The following SEC11A variants were observed in gnomAD, a reference collection of about 807,000 sequenced individuals.
The protein encoded by SEC11A is SEC11 homolog A, signal peptidase complex subunit.
Under a neutral mutation model 25.6 loss-of-function variants are expected in SEC11A, and 14 were observed. The observed-to-expected ratio is 0.55, with a 90% CI of 0.36 to 0.85. SEC11A has a LOEUF of 0.85. Ranked by LOEUF, SEC11A falls within the 40% of genes least tolerant of loss-of-function variation. The pLI, the probability that SEC11A is intolerant of heterozygous loss-of-function variation, is 0.01. For missense variants in SEC11A, 153 were observed against 222.9 expected, an observed-to-expected ratio of 0.69 and a Z score of 2.00; for synonymous variants, 83 against 76.4, an observed-to-expected ratio of 1.09 and a Z score of -0.45.
Position 84,681,261 on chromosome 15 carries a change from A to AGATACAG in SEC11A, c.312-430_312-429insCTGTATC, listed in dbSNP as rs1379213601. On this transcript the variant is annotated intron_variant, in intron 3 of 5. Coordinates refer to ENST00000268220, the MANE Select transcript of SEC11A (RefSeq NM_014300.4). ...AATTGGCAAGATACAGACTATGGGA[A>AGATACAG]ACTACAGAATAACCCAGTTTCTCCA... Among the ~76,000 whole-genome samples the AGATACAG allele has an allele frequency of 4.0e-3, 605 of 152,380 alleles. 1 individual carries two copies. The highest frequency in any genetic ancestry group is 0.014 in the African/African-American group (575 of 41,594).
chr15:84,704,464 C>G (rs1359854193), intron 1 of SEC11A, among the ~76,000 whole-genome samples: 1 of 152,188 alleles, frequency 6.6e-6, no homozygotes, highest in Non-Finnish European at 1.5e-5. Context: ...GTTACTCAAG[C>G]TGAATCCTAT....
chr15:84,685,397 A>G lies in SEC11A; in HGVS notation c.311+2228T>C, dbSNP rs140337089. Among the ~76,000 whole-genome samples the G allele has an allele frequency of 5.8e-3, 877 of 150,184 alleles. 3 individuals are homozygous for G. Among genetic ancestry groups the G allele is most frequent in the African/African-American group, 0.02 (814 of 40,802 alleles). On this transcript the variant is annotated intron_variant, in intron 3 of 5. Coordinates refer to ENST00000268220, the MANE Select transcript of SEC11A (RefSeq NM_014300.4). ...CTCAGCCTCTTGAGCAGCTGGGACT[A>G]CAAGTGCACACCACCGTGCCTGACT...
rs1896948555 is a variant in SEC11A at position 84,670,266 on chromosome 15, T to G, written c.490-197A>C. 3 of 452,190 alleles carry G rather than the reference T, an allele frequency of 6.6e-6. No individual in the cohort carries two copies. In the South Asian group the frequency reaches 9.2e-5, roughly 14 times the overall value. The allele number at this position is 452,190 out of a possible 1,614,324, so 28.0% of individuals were successfully genotyped here. On this transcript the variant is annotated intron_variant, in intron 5 of 5. Transcript: ENST00000268220. ...TTTCTTTAAATAATTTTCTTTTTTT[T>G]TTTTTTTTGAGACAGTCTCACTTTG...
intron 1 of SEC11A, among the ~76,000 whole-genome samples, chr15:84,694,345 A>ACT (rs1171424445): frequency 6.6e-6 from 1 of 150,890 alleles, no homozygotes; most frequent in African/African-American, 2.4e-5. Context: ...ACTGAGCAAG[A>ACT]CTCTCTCAAA....
chr15:84,688,468 A>G (rs1421286349), intron 2 of SEC11A, among the ~76,000 whole-genome samples: 1 of 152,326 alleles, frequency 6.6e-6, no homozygotes, highest in East Asian at 1.9e-4. Context: ...TCCTACGCCA[A>G]GTGCTGAAAA....
chr15:84,695,020 G>A lies in SEC11A; in HGVS notation c.52-3376C>T, dbSNP rs546818829. Among the ~76,000 whole-genome samples, 8 of 148,066 alleles carry A rather than the reference G, an allele frequency of 5.4e-5. No individual in the cohort carries two copies. In the East Asian group the frequency reaches 1.6e-3, roughly 29 times the overall value. ...CAGGAGAATTGCTTGAACCCGGGAG[G>A]TAGAGGTTGCAGTGAGCTGAGATCG... On this transcript the variant is annotated intron_variant, in intron 1 of 5. Transcript: ENST00000268220.
intron 1 of SEC11A, among the ~76,000 whole-genome samples, chr15:84,692,661 T>C (rs563983341): frequency 8.5e-5 from 13 of 152,278 alleles, no homozygotes; most frequent in African/African-American, 3.1e-4. Flanking sequence ...GTGAGCTAAC[T>C]GTTTTGGGCC....
intron 4 of SEC11A, chr15:84,680,058 A>G (rs1897245263): frequency 4.9e-6 from 4 of 815,004 alleles, no homozygotes; most frequent in East Asian, 2.7e-5. Context: ...AATTAACATG[A>G]TAAAACTAAT....
At chr15:84,675,830 G>C (rs953942452) in intron 4 of SEC11A, among the ~76,000 whole-genome samples, 3 of 152,100 alleles carry the variant, frequency 2.0e-5, no homozygotes, top group African/African-American at 7.2e-5. Context: ...TTCTAAAATT[G>C]TTTTTATTAC....
At chr15:84,708,065 G>C (rs1343281347) in intron 1 of SEC11A, among the ~76,000 whole-genome samples, 4 of 151,806 alleles carry the variant, frequency 2.6e-5, no homozygotes, top group Non-Finnish European at 4.4e-5. Flanking sequence ...CAAAAAATTA[G>C]CCAGGCGTGG....
intron 1 of SEC11A, among the ~76,000 whole-genome samples, chr15:84,709,663 G>A (rs781472303): frequency 2.0e-5 from 3 of 151,802 alleles, no homozygotes; most frequent in South Asian, 2.1e-4. Flanking sequence ...GGCTGGTTTC[G>A]AACTCCTGAC....
chr15:84,691,092 G>C (rs62021216), intron 2 of SEC11A, among the ~76,000 whole-genome samples: 1 of 106,910 alleles, frequency 9.4e-6, no homozygotes, highest in Non-Finnish European at 1.9e-5. Context: ...TTTTTTTTTG[G>C]AGACAGGGTC....
At chr15:84,688,813 C>CT (rs1253786832) in intron 2 of SEC11A, among the ~76,000 whole-genome samples, 1 of 152,024 alleles carries the variant, frequency 6.6e-6, no homozygotes, top group Non-Finnish European at 1.5e-5. Flanking sequence ...GGCAGGTGAC[C>CT]TGAGGTCAGG....
chr15:84,669,974 T>C lies in SEC11A; in HGVS notation c.*45A>G, dbSNP rs764975556. On this transcript the variant is annotated 3_prime_UTR_variant, in exon 6 of 6. Transcript: ENST00000268220. ...ACCAGTATCTACTCCAAACATCCAG[T>C]AACGAAAACTATGGCATCTTCCCAG... is the stretch of plus-strand genomic sequence containing the variant. 21 of 1,612,660 alleles carry C rather than the reference T, an allele frequency of 1.3e-5. No homozygotes were observed. Among genetic ancestry groups the C allele is most frequent in the Non-Finnish European group, 1.7e-5 (20 of 1,179,500 alleles).
chr15:84,694,876 G>T (rs1418845084), intron 1 of SEC11A, among the ~76,000 whole-genome samples: 5 of 151,884 alleles, frequency 3.3e-5, no homozygotes, highest in African/African-American at 4.8e-5. Flanking sequence ...CGGATCACGA[G>T]GTCAGGAGTT....
chr15:84,686,699 C>G (rs971397574), intron 3 of SEC11A: 2 of 152,288 alleles, frequency 1.3e-5, no homozygotes, highest in Admixed American at 6.6e-5. Context: ...TCTTTCATTT[C>G]TTTCTTTTTT....
Position 84,688,662 on chromosome 15 carries a change from T to C in SEC11A, c.162-888A>G, listed in dbSNP as rs1018560202. Among the ~76,000 whole-genome samples, 9 of 152,304 alleles carry C rather than the reference T, an allele frequency of 5.9e-5. No individual in the cohort carries two copies. In the East Asian group the frequency reaches 1.5e-3, roughly 26 times the overall value. Reference sequence around the variant, plus strand: ...ACTCCAAACACTTTTGTTTAAAGACTCTCTTCCCTCTATGTAAAGGGATAT... The same window carrying C: ...ACTCCAAACACTTTTGTTTAAAGACCCTCTTCCCTCTATGTAAAGGGATAT... On this transcript the variant is annotated intron_variant, in intron 2 of 5. Transcript: ENST00000268220.
intron 1 of SEC11A, among the ~76,000 whole-genome samples, chr15:84,715,462 G>A (rs1898430077): frequency 6.6e-6 from 1 of 152,198 alleles, no homozygotes; most frequent in Non-Finnish European, 1.5e-5. Context: ...TTAGTGCTAA[G>A]CGGACGCAAG....
chr15:84,696,082 C>T (rs1349200443), intron 1 of SEC11A, among the ~76,000 whole-genome samples: 2 of 151,948 alleles, frequency 1.3e-5, no homozygotes, highest in East Asian at 1.9e-4. Context: ...ACATTTTCGC[C>T]GAGACAATTA....
Sources: allele counts gnomAD v4.1 joint callset (sites outside exome capture counted in the v4.1 genomes callset), GRCh38; gene constraint gnomAD v4.1.1; transcripts MANE v1.5; gene names NCBI Gene and HGNC (gene_info 2026-07-23, HGNC 2026-07-21).